Variants in PMP22 observed in about 807,000 individuals in gnomAD.
PMP22 encodes the protein Charcot-Marie-Tooth neuropathy 1A (greatly reduced nerve conduction velocity, hereditary motor sensory neuropathy Ia).
In PMP22, 2 loss-of-function variants were observed where a neutral mutation model predicts 18.9. The observed-to-expected ratio is 0.11, with a 90% CI of 0.04 to 0.33. The LOEUF (loss-of-function observed/expected upper bound fraction) is 0.33, where lower values mean the gene tolerates loss of function less well. Ranked by LOEUF, PMP22 falls within the 10% of genes least tolerant of loss-of-function variation. PMP22 has a pLI of 1.00. For synonymous variants in PMP22, 95 were observed against 89.2 expected, an observed-to-expected ratio of 1.07 and a Z score of -0.37; for missense variants, 169 against 202.2, an observed-to-expected ratio of 0.84 and a Z score of 1.00.
At chr17:15,233,610 T>C (rs898955095) in intron 4 of PMP22, among the ~76,000 whole-genome samples, 4 of 152,204 alleles carry the variant, frequency 2.6e-5, no homozygotes, top group African/African-American at 9.6e-5. Flanking sequence ...ATCATCTCCA[T>C]TCCCTTTGGT....
intron 4 of PMP22, among the ~76,000 whole-genome samples, chr17:15,232,989 T>C (rs1906490158): frequency 6.6e-6 from 1 of 152,212 alleles, no homozygotes. Flanking sequence ...ACACTTTATA[T>C]GATTGTTGTC....
chr17:15,239,390 C>T (rs1446563567), intron 4 of PMP22, 81 bp downstream of exon 4: 5 of 1,494,664 alleles, frequency 3.3e-6, no homozygotes, highest in Middle Eastern at 1.7e-4. Context: ...CATTCTGAGG[C>T]CACATCCTTC....
At chr17:15,242,823 A>T (rs2150682042) in intron 3 of PMP22, among the ~76,000 whole-genome samples, 1 of 152,322 alleles carries the variant, frequency 6.6e-6, no homozygotes, top group East Asian at 1.9e-4. Context: ...CTCAATAAAT[A>T]TAGAAGCAGA....
At chr17:15,254,850 C>T (rs202080770) in intron 3 of PMP22, among the ~76,000 whole-genome samples, 1 of 151,992 alleles carries the variant, frequency 6.6e-6, no homozygotes, top group Non-Finnish European at 1.5e-5. Context: ...TCCCAGCTAC[C>T]CGGGAGGCTG....
chr17:15,257,235 T>C (rs550340779), intron 3 of PMP22, among the ~76,000 whole-genome samples: 1 of 152,348 alleles, frequency 6.6e-6, no homozygotes, highest in Non-Finnish European at 1.5e-5. Flanking sequence ...TAGCACCAAC[T>C]GACAGCTATT....
chr17:15,230,934 A>C lies in PMP22; in HGVS notation c.466T>G (p.Leu156Val), dbSNP rs771512763. 1 of 1,614,118 alleles carries C rather than the reference A, an allele frequency of 6.2e-7. No individual in the cohort carries two copies. Among genetic ancestry groups the C allele is most frequent in the South Asian group, 1.1e-5 (1 of 91,086 alleles). The part of the protein sequence containing the change: ...ALLSGVIYVI[L>V]RKRE ...TGGGCGCCTCATTCGCGTTTCCGCAAGATCACATAGATGACACCGCTGAGA... is the reference window on the plus strand; with the variant it reads ...TGGGCGCCTCATTCGCGTTTCCGCACGATCACATAGATGACACCGCTGAGA... Residue 156 changes from leucine to valine, a missense_variant, in exon 5 of 5, where the codon TTG (leucine) becomes GTG (valine). Transcript: ENST00000312280.
intron 4 of PMP22, among the ~76,000 whole-genome samples, chr17:15,235,465 C>T (rs1306624099): frequency 6.6e-6 from 1 of 152,164 alleles, no homozygotes; most frequent in Non-Finnish European, 1.5e-5. Context: ...CTAGTGCAAC[C>T]CAACCCAACA....
rs547222662 is a variant in PMP22 at position 15,261,352 on chromosome 17, G to C, written c.-34-591C>G. 38 of 152,898 alleles carry C rather than the reference G, an allele frequency of 2.5e-4. No homozygotes were observed. The highest frequency in any genetic ancestry group is 8.4e-4 in the African/African-American group (35 of 41,582). The allele number at this position is 152,898 out of a possible 1,614,324, so 9.5% of individuals were successfully genotyped here. On this transcript the variant is annotated intron_variant, in intron 1 of 4. Transcript: ENST00000312280. The surrounding 1 kb of genome is among the most constrained non-coding windows in gnomAD (Gnocchi z 5.2). Reference sequence around the variant, plus strand: ...CAAGTTTCCACCCAACTCTGCCAGCGTAGAGGAACGGTCCTGGCCCCAGCT... The same window carrying C: ...CAAGTTTCCACCCAACTCTGCCAGCCTAGAGGAACGGTCCTGGCCCCAGCT...
Position 15,264,591 on chromosome 17 carries a change from C to T in PMP22, c.-35+563G>A, listed in dbSNP as rs533335177. On this transcript the variant is annotated intron_variant, in intron 1 of 4. Transcript: ENST00000312280. ...AGTGCATATATTGGGTGCTACAGCTCGCTTCTTCCTTTCTTTTGAACCCAA... is the reference window on the plus strand; with the variant it reads ...AGTGCATATATTGGGTGCTACAGCTTGCTTCTTCCTTTCTTTTGAACCCAA... 3.3e-5 allele frequency among the ~76,000 whole-genome samples: 5 copies of T among 152,334 alleles called. No individual in the cohort carries two copies. The South Asian group carries it at 8.3e-4, about 25-fold the overall frequency.
rs1906155794 is a variant in PMP22, at chr17:15,229,818, C to T, written c.*1099G>A. 6.6e-6 allele frequency: 1 copy of T among 152,642 alleles called. No individual in the cohort carries two copies. The highest frequency in any genetic ancestry group is 1.5e-5 in the Non-Finnish European group (1 of 68,052). 9.5% of individuals were successfully genotyped at this position (152,642 alleles called of 1,614,324 possible). On this transcript the variant is annotated 3_prime_UTR_variant, in exon 5 of 5. Transcript: ENST00000312280. ...GTTTATTTTAATGCATCTTAGTCCACACAGTTGGTATAAAATCAGAAAATG... is the reference window on the plus strand; with the variant it reads ...GTTTATTTTAATGCATCTTAGTCCATACAGTTGGTATAAAATCAGAAAATG...
chr17:15,236,796 C>T (rs1906858295), intron 4 of PMP22, among the ~76,000 whole-genome samples: 1 of 152,194 alleles, frequency 6.6e-6, no homozygotes, highest in South Asian at 2.1e-4. Flanking sequence ...GAGTTCCTAA[C>T]TCTTTCAGTT....
At chr17:15,245,478 A>G (rs1333203205) in intron 3 of PMP22, among the ~76,000 whole-genome samples, 1 of 152,172 alleles carries the variant, frequency 6.6e-6, no homozygotes, top group Non-Finnish European at 1.5e-5. Context: ...AACTTGCCAC[A>G]TACATTTTTT....
chr17:15,264,956 C>G (rs1316624012), intron 1 of PMP22, among the ~76,000 whole-genome samples, 198 bp downstream of exon 1: 1 of 152,160 alleles, frequency 6.6e-6, no homozygotes, highest in Admixed American at 6.5e-5. Flanking sequence ...GGCCCCCCAC[C>G]TCCCCAGCCA....
intron 3 of PMP22, among the ~76,000 whole-genome samples, chr17:15,245,342 C>T (rs1351287128): frequency 6.6e-6 from 1 of 152,166 alleles, no homozygotes; most frequent in Non-Finnish European, 1.5e-5. Context: ...GGCTTTGATC[C>T]TGTCCAAGGT....
Position 15,230,388 on chromosome 17 carries a change from CAG to C in PMP22, c.*527_*528del, listed in dbSNP as rs71699667. ...GTCCGTGTGCGCGTAAAGCTTCACA[CAG>C]AGGTTCGGGCAGCGGCTGTTTCTGT... On this transcript the variant is annotated 3_prime_UTR_variant, in exon 5 of 5. Coordinates refer to ENST00000312280, the MANE Select transcript of PMP22 (RefSeq NM_000304.4). The C allele has an allele frequency of 0.35, 56,244 of 160,766 alleles. 10,480 individuals carry two copies. The highest frequency in any genetic ancestry group is 0.42 in the Middle Eastern group (129 of 308). The allele number at this position is 160,766 out of a possible 1,614,324, so 10.0% of individuals were successfully genotyped here. A position where few individuals can be genotyped will look rare whatever the true frequency, so the allele number is the denominator to read the frequency against.
chr17:15,242,104 A>T (rs1340612869), intron 3 of PMP22, among the ~76,000 whole-genome samples: 1 of 152,026 alleles, frequency 6.6e-6, no homozygotes, highest in Non-Finnish European at 1.5e-5. Flanking sequence ...ATACAAAAAA[A>T]TTGGCCAGGT....
chr17:15,230,759 A>G lies in PMP22; in HGVS notation c.*158T>C, dbSNP rs1353548103. 2 of 701,566 alleles carry G rather than the reference A, an allele frequency of 2.9e-6. No homozygotes were observed. Among genetic ancestry groups the G allele is most frequent in the South Asian group, 1.7e-5 (1 of 59,414 alleles). The allele number at this position is 701,566 out of a possible 1,614,324, so 43.5% of individuals were successfully genotyped here. ...TTTATAAACCGGAGATATTATATAC[A>G]TCTTCAATCAACAGCAACCCCCACC... On this transcript the variant is annotated 3_prime_UTR_variant, in exon 5 of 5. Transcript: ENST00000312280.
chr17:15,242,293 T>C (rs1420438746), intron 3 of PMP22, among the ~76,000 whole-genome samples: 1 of 145,330 alleles, frequency 6.9e-6, no homozygotes, highest in Non-Finnish European at 1.5e-5. Flanking sequence ...ATTGTAGCTA[T>C]ATTCTAATAT....
chr17:15,259,264 G>A, intron 2 of PMP22, 71 bp from the exon 3 acceptor site: 1 of 1,286,110 alleles, frequency 7.8e-7, no homozygotes, highest in Non-Finnish European at 1.1e-6. Context: ...GAAGGAGAAA[G>A]GCCCAGGGAT....
Sources: allele counts gnomAD v4.1 joint callset (sites outside exome capture counted in the v4.1 genomes callset), GRCh38; gene constraint gnomAD v4.1.1; non-coding constraint Gnocchi (gnomAD v3.1); transcripts MANE v1.5; gene names NCBI Gene and HGNC (gene_info 2026-07-23, HGNC 2026-07-21).